The following ARAP1 variants were observed in gnomAD, a reference collection of about 807,000 sequenced individuals.
ARAP1 encodes arf-GAP with Rho-GAP domain, ANK repeat and PH domain-containing protein 1.
ARAP1 carries 76 observed loss-of-function variants against 172.2 expected under a neutral mutation model. The ratio of observed to expected loss-of-function variants is 0.44; its 90% CI spans 0.37 to 0.53. The LOEUF is 0.53. ARAP1 is among the 20% of genes least tolerant of loss of function. The pLI, the probability that ARAP1 is intolerant of heterozygous loss-of-function variation, is 0.00. For synonymous variants in ARAP1, 804 were observed against 803.3 expected (o/e 1.00, Z -0.01); for missense variants, 1,686 against 1,977.5 (o/e 0.85, Z 2.80).
rs1448010545 is a variant in ARAP1 at position 72,693,394 on chromosome 11, G to A, written c.3885C>T (p.Pro1295=). The A allele has an allele frequency of 3.7e-6, 6 of 1,613,964 alleles. No homozygotes were observed. Among genetic ancestry groups the A allele is most frequent in the South Asian group, 3.3e-5 (3 of 91,084 alleles). Residue 1295 remains proline (P), a synonymous_variant, in exon 29 of 35, where the codon CCC becomes CCT. Transcript: ENST00000393609. The surrounding 1 kb of genome is among the most constrained non-coding windows in gnomAD (Gnocchi z 4.6). The part of the protein sequence containing the change: ...EDRSLLGLGL[P]SGGFHDRYFI... ...AGTAGCGATCGTGGAAGCCACCTGAGGGCAGGCCCAGGCCCAGGAGGCTGC... is the reference window on the plus strand; with the variant it reads ...AGTAGCGATCGTGGAAGCCACCTGAAGGCAGGCCCAGGCCCAGGAGGCTGC...
intron 2 of ARAP1, among the ~76,000 whole-genome samples, chr11:72,728,420 G>T (rs545222866): frequency 6.6e-6 from 1 of 151,890 alleles, no homozygotes; most frequent in East Asian, 1.9e-4. Context: ...ATCTTTACTA[G>T]AATACAAAAA....
At chr11:72,724,039 G>C (rs1284758653) in intron 3 of ARAP1, among the ~76,000 whole-genome samples, 1 of 152,180 alleles carries the variant, frequency 6.6e-6, no homozygotes, top group Non-Finnish European at 1.5e-5. Flanking sequence ...CAAAGGTCCT[G>C]ATAAACTCAC....
chr11:72,737,003 A>G (rs2135584842), intron 1 of ARAP1, among the ~76,000 whole-genome samples: 1 of 152,284 alleles, frequency 6.6e-6, no homozygotes, highest in South Asian at 2.1e-4. Flanking sequence ...AGTAAACCAC[A>G]TCCTCCCATC....
At chr11:72,738,077 G>A (rs1565232075) in intron 1 of ARAP1, among the ~76,000 whole-genome samples, 2 of 152,196 alleles carry the variant, frequency 1.3e-5, no homozygotes, top group African/African-American at 2.4e-5. Context: ...AGTAAGGGAG[G>A]CTTCTAGAAG....
chr11:72,694,500 A>C (rs11235569), intron 27 of ARAP1, among the ~76,000 whole-genome samples: 49,616 of 151,710 alleles, frequency 0.33, 9,991 homozygotes, highest in Non-Finnish European at 0.46. Flanking sequence ...GGCTCAGGGA[A>C]GACCTGGCAA....
At chr11:72,738,764 C>G (rs186364992) in intron 1 of ARAP1, among the ~76,000 whole-genome samples, 58 of 152,212 alleles carry the variant, frequency 3.8e-4, no homozygotes, top group African/African-American at 1.2e-3. Flanking sequence ...AAATGCACAC[C>G]TCACACTACC....
At position 72,720,282 on chromosome 11, in the gene ARAP1, G is replaced by A. The variant is rs186455857; in HGVS notation, c.510-5961C>T. Reference sequence around the variant, plus strand: ...TCATGCTCTGGACTCTCAGGGGCCCGGGCCTCAGTCCTATGCCTCCTGCTT... The same window carrying A: ...TCATGCTCTGGACTCTCAGGGGCCCAGGCCTCAGTCCTATGCCTCCTGCTT... On this transcript the variant is annotated intron_variant, in intron 3 of 34. Transcript: ENST00000393609. 7.0e-4 allele frequency among the ~76,000 whole-genome samples: 107 copies of A among 152,220 alleles called. 2 individuals carry two copies. Among genetic ancestry groups the A allele is most frequent in the African/African-American group, 2.3e-3 (97 of 41,514 alleles).
rs1435486139 is a variant in ARAP1 at position 72,725,784 on chromosome 11, A to T, written c.509+836T>A. 6.6e-6 allele frequency among the ~76,000 whole-genome samples: 1 copy of T among 152,180 alleles called. No homozygotes were observed. The highest frequency in any genetic ancestry group is 1.5e-5 in the Non-Finnish European group (1 of 68,038). On this transcript the variant is annotated intron_variant, in intron 3 of 34. Coordinates refer to ENST00000393609, the MANE Select transcript of ARAP1 (RefSeq NM_001040118.3). This position sits in a 1 kb window ranked among gnomAD's most constrained non-coding sequence, Gnocchi z 4.3. ...AAACACAGAGCCCAGCAGAGTGCCC[A>T]GCAATAAACAAACAGGGACCAGGAG...
intron 1 of ARAP1, among the ~76,000 whole-genome samples, chr11:72,749,885 A>AAAT (rs142489578): frequency 6.6e-6 from 1 of 150,534 alleles, no homozygotes. Flanking sequence ...AAAAAAAAAA[A>AAAT]GTTCCCTCTC....
chr11:72,735,001 G>T (rs779582443), intron 1 of ARAP1, among the ~76,000 whole-genome samples: 2 of 150,682 alleles, frequency 1.3e-5, no homozygotes, highest in Admixed American at 6.6e-5. Context: ...TTTTTTTTTA[G>T]ACAGGGTCTC....
intron 1 of ARAP1, among the ~76,000 whole-genome samples, chr11:72,734,303 TA>T (rs1857948647): frequency 6.6e-6 from 1 of 152,154 alleles, no homozygotes; most frequent in South Asian, 2.1e-4. Context: ...TTATTTTTTG[TA>T]AAGACAGGGT....
chr11:72,720,547 A>G (rs1857465201), intron 3 of ARAP1, among the ~76,000 whole-genome samples: 1 of 152,120 alleles, frequency 6.6e-6, no homozygotes, highest in South Asian at 2.1e-4. Context: ...AAGGGGCTTT[A>G]GTAAGTGGGT....
chr11:72,716,794 G>A (rs1857290766), intron 3 of ARAP1, among the ~76,000 whole-genome samples: 1 of 152,178 alleles, frequency 6.6e-6, no homozygotes, highest in Non-Finnish European at 1.5e-5. Flanking sequence ...GGCTCGGATC[G>A]CTTCAAAGAC....
Position 72,714,221 on chromosome 11 carries a change from G to T in ARAP1, c.610C>A (p.Gln204Lys). 2 of 1,524,126 alleles carry T rather than the reference G, an allele frequency of 1.3e-6. No homozygotes were observed. The highest frequency in any genetic ancestry group is 1.4e-5 in the African/African-American group (1 of 70,654). 94.4% of individuals were successfully genotyped at this position (1,524,126 alleles called of 1,614,324 possible). The change falls in exon 4 of 35, where the codon CAG becomes AAG. Residue 204 changes from glutamine (Q) to lysine (K), a missense_variant. By Grantham distance (53) the Gln-to-Lys change is moderately conservative (BLOSUM62 1). This residue lies in a region of ARAP1 where 155 missense variants were observed against 129.2 expected (regional missense o/e 1.20). Transcript: ENST00000393609. ...GGGCAGGGAGGTGGAGAGGGAGGCT[G>T]GGGAGGCCCCTGGGGGAGGGTGGAC... ...PLSTLPQGPP[Q>K]PPSPPPCPPE...
At chr11:72,722,413 A>C in intron 3 of ARAP1, 1 of 950,420 alleles carries the variant, frequency 1.1e-6, no homozygotes, top group Non-Finnish European at 1.3e-6. Context: ...CTGCACCCCC[A>C]CCCAAGCTGG....
At chr11:72,687,780 A>G (rs751361625) in intron 31 of ARAP1, 42 bp from the exon 32 acceptor site, 2 of 1,610,918 alleles carry the variant, frequency 1.2e-6, no homozygotes, top group South Asian at 2.2e-5. Flanking sequence ...TTGACAGGCC[A>G]TAGAGGCTCA....
chr11:72,701,857 C>T, intron 15 of ARAP1, 74 bp from the exon 16 acceptor site: 1 of 1,555,844 alleles, frequency 6.4e-7, no homozygotes, highest in Non-Finnish European at 8.7e-7. Context: ...TCCCACCTGG[C>T]CTGGGCATTC....
chr11:72,713,063 A>G, intron 5 of ARAP1, 113 bp downstream of exon 5: 1 of 1,131,256 alleles, frequency 8.8e-7, no homozygotes, highest in Middle Eastern at 2.0e-4. Context: ...GGGAAGGGGA[A>G]GCCTCCCGGG....
At chr11:72,742,453 C>T (rs1373062922) in intron 1 of ARAP1, among the ~76,000 whole-genome samples, 1 of 152,186 alleles carries the variant, frequency 6.6e-6, no homozygotes, top group African/African-American at 2.4e-5. Flanking sequence ...CTCAGTCACT[C>T]AGGAGCCAGA....
Sources: allele counts gnomAD v4.1 joint callset (sites outside exome capture counted in the v4.1 genomes callset), GRCh38; gene constraint gnomAD v4.1.1; regional missense constraint gnomAD v4.1.1; non-coding constraint Gnocchi (gnomAD v3.1); transcripts MANE v1.5; gene names NCBI Gene and HGNC (gene_info 2026-07-23, HGNC 2026-07-21).